DENND1A: variants seen among roughly 807,000 people sequenced by gnomAD.
The protein encoded by DENND1A is DENN domain containing 1A, also known as DENN domain-containing protein 1A.
A neutral mutation model predicts 113.7 loss-of-function variants in DENND1A; 51 were observed. The ratio of observed to expected loss-of-function variants is 0.45; its 90% CI spans 0.36 to 0.57. DENND1A has a LOEUF of 0.57. Ranked by LOEUF, DENND1A falls within the 20% of genes least tolerant of loss-of-function variation. The probability of loss-of-function intolerance (pLI) is 0.00; values close to 1 mark genes in which losing one functional copy is unlikely to be tolerated. For synonymous variants in DENND1A, 565 were observed against 570.8 expected, an observed-to-expected ratio of 0.99 and a Z score of 0.14; for missense variants, 1,258 against 1,395.9, an observed-to-expected ratio of 0.90 and a Z score of 1.57.
At chr9:123,682,801 A>G (rs922796472) in intron 5 of DENND1A, among the ~76,000 whole-genome samples, 1 of 152,168 alleles carries the variant, frequency 6.6e-6, no homozygotes, top group Non-Finnish European at 1.5e-5. Context: ...CCAATCCAGA[A>G]CACGCTTCCT....
chr9:123,536,610 T>G (rs1333831823), intron 13 of DENND1A, among the ~76,000 whole-genome samples: 2 of 152,074 alleles, frequency 1.3e-5, no homozygotes. Flanking sequence ...TAAGAAGGAC[T>G]GAAGGAGACC....
intron 13 of DENND1A, among the ~76,000 whole-genome samples, chr9:123,522,736 G>A (rs185193674): frequency 2.6e-5 from 4 of 152,014 alleles, no homozygotes; most frequent in African/African-American, 4.8e-5. Context: ...CCTGGGCTCC[G>A]GGCTGATGAA....
At chr9:123,493,421 G>T (rs1171836236) in intron 13 of DENND1A, among the ~76,000 whole-genome samples, 2 of 152,238 alleles carry the variant, frequency 1.3e-5, no homozygotes, top group African/African-American at 4.8e-5. Flanking sequence ...GAAAGAGGAT[G>T]GGCGGTGCAG....
chr9:123,664,152 T>G (rs144212129), intron 8 of DENND1A, among the ~76,000 whole-genome samples: 389 of 152,338 alleles, frequency 2.6e-3, no homozygotes, highest in African/African-American at 9.0e-3. Context: ...CATACATACA[T>G]ACCTTTCCTA....
At chr9:123,763,387 G>A (rs952767579) in intron 4 of DENND1A, among the ~76,000 whole-genome samples, 1 of 152,092 alleles carries the variant, frequency 6.6e-6, no homozygotes, top group African/African-American at 2.4e-5. Flanking sequence ...GGAGCAAAAA[G>A]GCAGAATATT....
chr9:123,584,168 G>A (rs1204954219), intron 11 of DENND1A, among the ~76,000 whole-genome samples: 1 of 152,170 alleles, frequency 6.6e-6, no homozygotes, highest in Non-Finnish European at 1.5e-5. Flanking sequence ...TTGAGTCAGA[G>A]GCATTAGAAC....
intron 23 of DENND1A, among the ~76,000 whole-genome samples, chr9:123,382,937 G>C (rs1298125707): frequency 6.6e-6 from 1 of 152,230 alleles, no homozygotes; most frequent in Non-Finnish European, 1.5e-5. Context: ...TAGATCGCAG[G>C]CACCCGCAAT....
chr9:123,412,392 C>T (rs1050424521), intron 19 of DENND1A, among the ~76,000 whole-genome samples: 10 of 152,192 alleles, frequency 6.6e-5, no homozygotes, highest in Non-Finnish European at 1.0e-4. Flanking sequence ...AGAGCTCTGT[C>T]GGCTCGGATG....
intron 5 of DENND1A, among the ~76,000 whole-genome samples, chr9:123,712,129 T>C (rs1442758734): frequency 6.6e-6 from 1 of 152,224 alleles, no homozygotes; most frequent in Non-Finnish European, 1.5e-5. Context: ...TTATAAAATC[T>C]ACAACATCAA....
intron 2 of DENND1A, among the ~76,000 whole-genome samples, chr9:123,835,395 T>TA (rs993655991): frequency 6.6e-6 from 1 of 152,132 alleles, no homozygotes; most frequent in African/African-American, 2.4e-5. Context: ...AGCAAAATGA[T>TA]AAAAGGCGGC....
chr9:123,388,826 G>A (rs4836921), intron 21 of DENND1A, among the ~76,000 whole-genome samples: 1 of 152,188 alleles, frequency 6.6e-6, no homozygotes, highest in Non-Finnish European at 1.5e-5. Context: ...CTTGTGCTGG[G>A]GAGTAGGTGT....
intron 13 of DENND1A, among the ~76,000 whole-genome samples, chr9:123,488,219 T>C (rs2051056960): frequency 6.6e-6 from 1 of 152,218 alleles, no homozygotes; most frequent in East Asian, 1.9e-4. Context: ...TGAACCCTGC[T>C]TGTTCAATTG....
chr9:123,429,875 C>G (rs2046007151), intron 19 of DENND1A, among the ~76,000 whole-genome samples: 2 of 152,108 alleles, frequency 1.3e-5, no homozygotes, highest in Admixed American at 1.3e-4. Flanking sequence ...AGAGCTTCTG[C>G]ACAGCAAAAT....
chr9:123,911,654 C>T (rs890697078), intron 1 of DENND1A, among the ~76,000 whole-genome samples: 7 of 151,880 alleles, frequency 4.6e-5, no homozygotes, highest in Non-Finnish European at 1.0e-4. Context: ...CAAGAATGGG[C>T]AAAATTGCTA....
intron 13 of DENND1A, among the ~76,000 whole-genome samples, chr9:123,467,777 C>A (rs916527668): frequency 6.6e-6 from 1 of 152,194 alleles, no homozygotes; most frequent in African/African-American, 2.4e-5. Flanking sequence ...CAGGTCCATG[C>A]AGGTGGGGCC....
Position 123,557,666 on chromosome 9 carries a change from C to T in DENND1A, c.897G>A (p.Lys299=). 6.2e-7 allele frequency: 1 copy of T among 1,613,870 alleles called. No individual in the cohort carries two copies. The highest frequency in any genetic ancestry group is 8.5e-7 in the Non-Finnish European group (1 of 1,179,880). The change falls in exon 13 of 24, where the codon AAG becomes AAA. Residue 299 remains lysine (K), a synonymous_variant. Transcript: ENST00000394215. The part of the protein sequence containing the change: ...VISSLKNRLK[K]VSTTTGDGVA... The stretch of plus-strand genomic sequence containing the variant: ...CACCATCCCCAGTGGTTGTGGAGAC[C>T]TTTTTCAGCCTGTTCTTCAGGGAAG...
intron 1 of DENND1A, among the ~76,000 whole-genome samples, chr9:123,880,641 A>G (rs1848184882): frequency 6.6e-6 from 1 of 152,208 alleles, no homozygotes; most frequent in Non-Finnish European, 1.5e-5. Flanking sequence ...ATCTCATTTC[A>G]TCGTCATCAT....
chr9:123,490,323 C>A (rs991269415), intron 13 of DENND1A, among the ~76,000 whole-genome samples: 1 of 152,182 alleles, frequency 6.6e-6, no homozygotes. Flanking sequence ...AGGTGGCTCA[C>A]GCCTGTAATC....
intron 4 of DENND1A, among the ~76,000 whole-genome samples, chr9:123,759,957 TA>T (rs1217393216): frequency 7.2e-5 from 11 of 152,214 alleles, no homozygotes; most frequent in African/African-American, 2.7e-4. Flanking sequence ...TAAGTTACAG[TA>T]ATTATCTCAG....
Sources: gnomAD v4.1 joint callset for allele counts (sites outside exome capture counted in the v4.1 genomes callset) on GRCh38, gnomAD v4.1.1 for gene constraint, MANE v1.5 for transcripts, NCBI Gene and HGNC (gene_info 2026-07-23, HGNC 2026-07-21) for gene names.